CNIH3: variants seen among roughly 807,000 people sequenced by gnomAD.
CNIH3 encodes protein cornichon homolog 3.
CNIH3 carries 14 observed loss-of-function variants against 24.1 expected under a neutral mutation model. That is an observed-to-expected ratio of 0.58 (90% confidence interval 0.38 to 0.91). The LOEUF is 0.91. Ranked by LOEUF, CNIH3 falls within the 40% of genes least tolerant of loss-of-function variation. CNIH3 has a pLI of 0.00. For synonymous variants in CNIH3, 68 were observed against 73.8 expected (o/e 0.92, Z 0.40); for missense variants, 178 against 196.8 (o/e 0.90, Z 0.57).
intron 4 of CNIH3, among the ~76,000 whole-genome samples, chr1:224,570,056 T>G (rs1680754084): frequency 6.6e-6 from 1 of 152,206 alleles, no homozygotes; most frequent in Non-Finnish European, 1.5e-5. Context: ...AGTGCTGGGA[T>G]TACAGGCTTG....
intron 1 of CNIH3, among the ~76,000 whole-genome samples, chr1:224,489,943 G>A (rs7542507): frequency 0.83 from 125,880 of 152,060 alleles, 52,558 homozygotes; most frequent in East Asian, 0.97. Flanking sequence ...TTGCCTAATC[G>A]TCACACTAGG....
At chr1:224,669,116 G>C (rs1685740149) in intron 1 of CNIH3, among the ~76,000 whole-genome samples, 1 of 152,158 alleles carries the variant, frequency 6.6e-6, no homozygotes, top group Non-Finnish European at 1.5e-5. Context: ...ATGGCTGCTG[G>C]CTGGAGTTGA....
At position 224,730,590 on chromosome 1, in the gene CNIH3, A is replaced by G; in HGVS notation, c.311+16A>G. On this transcript the variant is annotated intron_variant, in intron 4 of 5. Coordinates refer to ENST00000272133, the MANE Select transcript of CNIH3 (RefSeq NM_152495.2). ...ACTTCTGGAGGTAAGTCAGACTGGG[A>G]CTGGTATATCCTTCGTCTTTTCTGC... The G allele has an allele frequency of 2.0e-6, 3 of 1,467,496 alleles. No homozygotes were observed. Among genetic ancestry groups the G allele is most frequent in the Non-Finnish European group, 2.8e-6 (3 of 1,069,934 alleles). The allele number at this position is 1,467,496 out of a possible 1,614,324, so 90.9% of individuals were successfully genotyped here.
At chr1:224,565,421 C>T (rs1680540036) in intron 3 of CNIH3, 1 of 152,242 alleles carries the variant, frequency 6.6e-6, no homozygotes, top group African/African-American at 2.4e-5. Context: ...TGTTCATTGC[C>T]TGGGTTTGTC....
At position 224,506,283 on chromosome 1, in the gene CNIH3, G is replaced by GCACACA. The variant is rs879719993; in HGVS notation, n.204-9457_204-9456insACACAC. On this transcript the variant is annotated intron_variant and non_coding_transcript_variant, in intron 1 of 5. Transcript: ENST00000471578. ...TATGCACGCACACGCGCGCGCGCGC[G>GCACACA]CGCGCACACACACACACACACGGTC... Among the ~76,000 whole-genome samples the GCACACA allele has an allele frequency of 6.8e-3, 529 of 77,988 alleles. 4 individuals are homozygous for GCACACA. Among genetic ancestry groups the GCACACA allele is most frequent in the African/African-American group, 0.022 (491 of 22,526 alleles). The allele number at this position is 77,988 out of a possible 152,430, so 51.2% of individuals were successfully genotyped here.
intron 3 of CNIH3, among the ~76,000 whole-genome samples, chr1:224,562,599 G>A (rs58182294): frequency 0.019 from 2,931 of 152,238 alleles, 76 homozygotes; most frequent in African/African-American, 0.058. Flanking sequence ...AAGATGGGGC[G>A]TAATGGGAGG....
At chr1:224,543,142 C>T (rs1679575239) in intron 2 of CNIH3, among the ~76,000 whole-genome samples, 1 of 152,030 alleles carries the variant, frequency 6.6e-6, no homozygotes, top group Admixed American at 6.6e-5. Context: ...TCATGTGGGC[C>T]AATAATTCAT....
At chr1:224,540,117 C>T (rs938425714), downstream of CNIH3, among the ~76,000 whole-genome samples, 7 of 152,294 alleles carry the variant, frequency 4.6e-5, no homozygotes, top group South Asian at 2.1e-4. Context: ...CTTTCTTCAC[C>T]GTAGCTAAAA....
At position 224,450,882 on chromosome 1, in the gene CNIH3, A is replaced by ATTATT. The variant is rs1675368062; in HGVS notation, n.203+16020_203+16021insTTATT. On this transcript the variant is annotated intron_variant and non_coding_transcript_variant, in intron 1 of 5. Transcript: ENST00000471578. ...GGTTTCCATTATTCTTTGGGCCTTCACTTTGCCCAAGGCACACAGTTAATA... is the reference window on the plus strand; with the variant it reads ...GGTTTCCATTATTCTTTGGGCCTTCATTATTCTTTGCCCAAGGCACACAGTTAATA... Among the ~76,000 whole-genome samples the ATTATT allele has an allele frequency of 7.2e-5, 11 of 152,326 alleles. No individual in the cohort carries two copies. The South Asian group carries it at 2.3e-3, about 32-fold the overall frequency.
intron 3 of CNIH3, among the ~76,000 whole-genome samples, chr1:224,557,202 G>C (rs1680173091): frequency 6.6e-6 from 1 of 151,966 alleles, no homozygotes; most frequent in African/African-American, 2.4e-5. Context: ...CACCATGCCT[G>C]GCTAATTATT....
At chr1:224,572,699 C>T (rs1447357528) in intron 4 of CNIH3, among the ~76,000 whole-genome samples, 1 of 151,480 alleles carries the variant, frequency 6.6e-6, no homozygotes, top group Non-Finnish European at 1.5e-5. Context: ...TGTATTCAAG[C>T]TGTAGATTAC....
At chr1:224,563,031 T>C (rs547807798) in intron 3 of CNIH3, among the ~76,000 whole-genome samples, 8 of 152,330 alleles carry the variant, frequency 5.3e-5, no homozygotes, top group South Asian at 2.1e-4. Context: ...TCCTGTGACC[T>C]GGAAATTCCA....
intron 1 of CNIH3, among the ~76,000 whole-genome samples, chr1:224,516,275 C>T (rs898881889): frequency 7.2e-6 from 1 of 138,410 alleles, no homozygotes; most frequent in African/African-American, 2.7e-5. Flanking sequence ...GATTGTGCCA[C>T]TGCATTCCCG....
rs115845051 is a variant in CNIH3, at chr1:224,659,260, C to T, written c.82-21698C>T. Among the ~76,000 whole-genome samples, 860 of 152,316 alleles carry T rather than the reference C, an allele frequency of 5.6e-3. 14 individuals are homozygous for T. Among genetic ancestry groups the T allele is most frequent in the African/African-American group, 0.019 (810 of 41,566 alleles). On this transcript the variant is annotated intron_variant, in intron 1 of 5. Coordinates refer to ENST00000272133, the MANE Select transcript of CNIH3 (RefSeq NM_152495.2). ...TTGTAGCAGGAGTAGGTGCCTTTTT[C>T]AGACCCAGGAGTCAGTGCCCCGTAA...
chr1:224,625,401 A>T lies in CNIH3; in HGVS notation c.81+8146A>T, dbSNP rs1458029712. On this transcript the variant is annotated intron_variant, in intron 1 of 5. Transcript: ENST00000272133. ...CATCTCTCCTAAAAATAAAATAAAA[A>T]AAAAATTAGCCAGGCGTGGTGGTGG... Among the ~76,000 whole-genome samples the T allele has an allele frequency of 9.2e-5, 14 of 152,236 alleles. No individual in the cohort carries two copies. In the South Asian group the frequency reaches 2.9e-3, roughly 32 times the overall value.
At chr1:224,481,897 T>G (rs1676828588) in intron 1 of CNIH3, among the ~76,000 whole-genome samples, 1 of 152,212 alleles carries the variant, frequency 6.6e-6, no homozygotes, top group Admixed American at 6.5e-5. Flanking sequence ...GTTCAGAGCC[T>G]TAGAAATCTA....
intron 1 of CNIH3, among the ~76,000 whole-genome samples, chr1:224,658,226 C>T (rs1003597176): frequency 6.6e-6 from 1 of 152,184 alleles, no homozygotes; most frequent in African/African-American, 2.4e-5. Context: ...TGTGCAGTGG[C>T]ACAATCATGG....
At chr1:224,627,266 AC>A (rs1418098205) in intron 1 of CNIH3, among the ~76,000 whole-genome samples, 1 of 151,908 alleles carries the variant, frequency 6.6e-6, no homozygotes, top group Non-Finnish European at 1.5e-5. Flanking sequence ...TGGCTCTGTC[AC>A]CCAGGCTGGA....
At chr1:224,668,872 G>A (rs935939288) in intron 1 of CNIH3, among the ~76,000 whole-genome samples, 5 of 151,572 alleles carry the variant, frequency 3.3e-5, no homozygotes, top group African/African-American at 9.7e-5. Flanking sequence ...TCATGCGCAG[G>A]GCCAGATGTA....
Sources: allele counts gnomAD v4.1 joint callset (sites outside exome capture counted in the v4.1 genomes callset), GRCh38; gene constraint gnomAD v4.1.1; transcripts MANE v1.5; gene names NCBI Gene and HGNC (gene_info 2026-07-23, HGNC 2026-07-21).